Variants in CNTNAP2 observed in about 807,000 individuals in gnomAD.
CNTNAP2 encodes the protein contactin-associated protein-like 2.
A neutral mutation model predicts 155.2 loss-of-function variants in CNTNAP2; 98 were observed. The ratio of observed to expected loss-of-function variants is 0.63; its 90% CI spans 0.54 to 0.75. CNTNAP2 has a LOEUF of 0.75. CNTNAP2 is among the 30% of genes least tolerant of loss of function. CNTNAP2 has a pLI of 0.00. For synonymous variants in CNTNAP2, 651 were observed against 631.2 expected (o/e 1.03, Z -0.47); for missense variants, 1,727 against 1,688.1 (o/e 1.02, Z -0.40).
intron 3 of CNTNAP2, among the ~76,000 whole-genome samples, chr7:146,871,223 TTTTTTCC>T (rs1327762008): frequency 1.3e-5 from 2 of 152,056 alleles, no homozygotes; most frequent in African/African-American, 4.8e-5. Flanking sequence ...ACCAATTTTG[TTTTTTCC>T]TGTCTCTTAA....
chr7:146,553,328 T>C (rs1460719855), intron 1 of CNTNAP2, among the ~76,000 whole-genome samples: 1 of 152,024 alleles, frequency 6.6e-6, no homozygotes, highest in East Asian at 1.9e-4. Context: ...ATCTATATAT[T>C]GGATTGTTCT....
intron 21 of CNTNAP2, among the ~76,000 whole-genome samples, chr7:148,286,570 G>A (rs1429667824): frequency 6.6e-6 from 1 of 150,646 alleles, no homozygotes; most frequent in African/African-American, 2.4e-5. Context: ...CTTACTCTAA[G>A]TTATAGAAGT....
intron 10 of CNTNAP2, among the ~76,000 whole-genome samples, chr7:147,431,167 A>C (rs1301659575): frequency 6.6e-6 from 1 of 152,062 alleles, no homozygotes; most frequent in Non-Finnish European, 1.5e-5. Context: ...GGTTGGTTTG[A>C]GCAATTGAAA....
chr7:148,141,801 T>C (rs1385502560), intron 16 of CNTNAP2, among the ~76,000 whole-genome samples: 1 of 152,224 alleles, frequency 6.6e-6, no homozygotes, highest in East Asian at 1.9e-4. Flanking sequence ...ATATGATGAC[T>C]TGTGAGCAGA....
At chr7:146,660,202 A>G (rs2129165761) in intron 1 of CNTNAP2, among the ~76,000 whole-genome samples, 1 of 152,352 alleles carries the variant, frequency 6.6e-6, no homozygotes, top group East Asian at 1.9e-4. Context: ...TAATCTCATA[A>G]TATCTAATGA....
At chr7:146,428,363 C>A (rs1236004087) in intron 1 of CNTNAP2, among the ~76,000 whole-genome samples, 1 of 151,874 alleles carries the variant, frequency 6.6e-6, no homozygotes, top group East Asian at 1.9e-4. Context: ...TTCCCATCAA[C>A]AGTGTAAAAG....
At chr7:146,412,727 T>C (rs970413954) in intron 1 of CNTNAP2, among the ~76,000 whole-genome samples, 2 of 152,214 alleles carry the variant, frequency 1.3e-5, no homozygotes, top group Non-Finnish European at 2.9e-5. Context: ...TTCGAATTAA[T>C]TCACTAGTTA....
chr7:147,686,445 T>C (rs1796019173), intron 13 of CNTNAP2, among the ~76,000 whole-genome samples: 1 of 151,988 alleles, frequency 6.6e-6, no homozygotes, highest in Admixed American at 6.6e-5. Context: ...TGATTGCATA[T>C]CTAAGTTTGA....
rs540084624 is a variant in CNTNAP2, at chr7:146,732,428, AAT to A, written c.98-41840_98-41839del. ...TGCTAACCAGTAAGTCAGTGAGGAA[AAT>A]ATTGTATGTCAGATGCTTTTCTCAG... On this transcript the variant is annotated intron_variant, in intron 1 of 23. Transcript: ENST00000361727. Among the ~76,000 whole-genome samples the A allele has an allele frequency of 1.1e-4, 16 of 152,274 alleles. No homozygotes were observed. The South Asian group carries it at 2.3e-3, about 22-fold the overall frequency.
chr7:148,051,196 C>T (rs919754360), intron 15 of CNTNAP2, among the ~76,000 whole-genome samples: 9 of 152,146 alleles, frequency 5.9e-5, no homozygotes, highest in Non-Finnish European at 1.0e-4. Context: ...AATCTCCACC[C>T]ACAGAGCATA....
At chr7:147,618,976 C>T (rs943622769) in intron 12 of CNTNAP2, among the ~76,000 whole-genome samples, 3 of 152,086 alleles carry the variant, frequency 2.0e-5, no homozygotes, top group African/African-American at 7.2e-5. Context: ...ATCTTGAGGG[C>T]CCGTTATTGC....
At chr7:146,566,985 A>G (rs1190066281) in intron 1 of CNTNAP2, among the ~76,000 whole-genome samples, 1 of 152,116 alleles carries the variant, frequency 6.6e-6, no homozygotes, top group Non-Finnish European at 1.5e-5. Flanking sequence ...CTACTTTCAT[A>G]GCAACTGACT....
intron 3 of CNTNAP2, among the ~76,000 whole-genome samples, chr7:146,881,016 T>G (rs1795538715): frequency 6.6e-6 from 1 of 152,262 alleles, no homozygotes; most frequent in Admixed American, 6.5e-5. Context: ...TGAGAGATGT[T>G]TATAAGGAAT....
intron 4 of CNTNAP2, among the ~76,000 whole-genome samples, chr7:147,061,885 A>C (rs1799682947): frequency 6.6e-6 from 1 of 152,160 alleles, no homozygotes; most frequent in South Asian, 2.1e-4. Flanking sequence ...CTGTAATCCC[A>C]GCACTTTGGG....
intron 15 of CNTNAP2, among the ~76,000 whole-genome samples, chr7:148,049,860 T>G (rs1320006783): frequency 1.3e-5 from 2 of 152,200 alleles, no homozygotes; most frequent in African/African-American, 4.8e-5. Context: ...CTACTTATTT[T>G]AAAAAATTTG....
At chr7:148,362,324 G>T (rs1168266695) in intron 21 of CNTNAP2, among the ~76,000 whole-genome samples, 1 of 152,200 alleles carries the variant, frequency 6.6e-6, no homozygotes, top group East Asian at 1.9e-4. Flanking sequence ...GACATGTGGG[G>T]ATTACAGTTC....
Position 146,857,216 on chromosome 7 carries a change from GGA to G in CNTNAP2, c.402+17331_402+17332del, listed in dbSNP as rs61258419. 5.4e-3 allele frequency among the ~76,000 whole-genome samples: 790 copies of G among 146,490 alleles called. 6 individuals carry two copies. Among genetic ancestry groups the G allele is most frequent in the African/African-American group, 0.018 (720 of 39,974 alleles). ...GTGGAAAAAGGAGAGAGAAGGAGAG[GGA>G]GAGAGAGAGAGAGAGAGAATGATAA... On this transcript the variant is annotated intron_variant, in intron 3 of 23. Coordinates refer to ENST00000361727, the MANE Select transcript of CNTNAP2 (RefSeq NM_014141.6).
At chr7:148,116,592 G>A (rs1470052750) in intron 15 of CNTNAP2, among the ~76,000 whole-genome samples, 2 of 152,154 alleles carry the variant, frequency 1.3e-5, no homozygotes, top group African/African-American at 4.8e-5. Flanking sequence ...CTTTTAACAT[G>A]CCTGGGGACT....
At chr7:147,420,668 A>AT (rs951285969) in intron 10 of CNTNAP2, among the ~76,000 whole-genome samples, 1 of 152,172 alleles carries the variant, frequency 6.6e-6, no homozygotes, top group Non-Finnish European at 1.5e-5. Flanking sequence ...AAATAAATAG[A>AT]TTTTTTTAAA....
Sources: gnomAD v4.1 joint callset for allele counts (sites outside exome capture counted in the v4.1 genomes callset) on GRCh38, gnomAD v4.1.1 for gene constraint, MANE v1.5 for transcripts, NCBI Gene and HGNC (gene_info 2026-07-23, HGNC 2026-07-21) for gene names.